SYNJ1: variants seen among roughly 807,000 people sequenced by gnomAD.
SYNJ1 encodes synaptojanin 1.
A neutral mutation model predicts 168.2 loss-of-function variants in SYNJ1; 78 were observed. That is an observed-to-expected ratio of 0.46 (90% CI 0.39 to 0.56). SYNJ1 has a LOEUF of 0.56. Among genes scored for constraint, SYNJ1 ranks in the 20% least tolerant of loss-of-function variants. The probability of loss-of-function intolerance (pLI) is 0.00; values close to 1 mark genes in which losing one functional copy is unlikely to be tolerated. For missense variants in SYNJ1, 1,303 were observed against 1,597.6 expected (o/e 0.82, Z 3.14); for synonymous variants, 539 against 548.6 (o/e 0.98, Z 0.24).
rs1289655519 is a variant in SYNJ1 at position 32,631,551 on chromosome 21, A to C, written c.*254T>G. On this transcript the variant is annotated 3_prime_UTR_variant, in exon 33 of 33. Coordinates refer to ENST00000674351, the MANE Select transcript of SYNJ1 (RefSeq NM_203446.3). ...AATAAATGGGTTTGGAGAACTTCGC[A>C]TATTTTCCTGGGATTGACTCCGAGC... is the stretch of plus-strand genomic sequence containing the variant. 6.2e-7 allele frequency: 1 copy of C among 1,614,170 alleles called. No individual in the cohort carries two copies. Among genetic ancestry groups the C allele is most frequent in the African/African-American group, 1.3e-5 (1 of 75,056 alleles).
intron 14 of SYNJ1, among the ~76,000 whole-genome samples, chr21:32,671,329 C>A (rs2041179897): frequency 6.6e-6 from 1 of 151,468 alleles, no homozygotes; most frequent in Non-Finnish European, 1.5e-5. Context: ...AAAAGAAGAG[C>A]CTATAAATAG....
chr21:32,646,156 A>G (rs1392081943), intron 24 of SYNJ1, among the ~76,000 whole-genome samples: 2 of 152,248 alleles, frequency 1.3e-5, no homozygotes, highest in Non-Finnish European at 2.9e-5. Flanking sequence ...ATCATCAGTT[A>G]TAAGACATAG....
rs758366163 is a variant in SYNJ1, at chr21:32,645,653, C to T, written c.3384G>A (p.Pro1128=). The change falls in exon 25 of 33, where the codon CCG becomes CCA. Residue 1128 remains proline (P), a synonymous_variant. Transcript: ENST00000674351. The part of the protein sequence containing the change: ...TRPAPPQRPP[P]PSGARSPAPT... ...GAAATAAAAGGTTGTCACCTGAAGGCGGAGGAGGTCTCTGTGGGGGAGCCG... is the reference window on the plus strand; with the variant it reads ...GAAATAAAAGGTTGTCACCTGAAGGTGGAGGAGGTCTCTGTGGGGGAGCCG... 1 of 1,527,072 alleles carries T rather than the reference C, an allele frequency of 6.5e-7. No individual in the cohort carries two copies. Among genetic ancestry groups the T allele is most frequent in the South Asian group, 1.3e-5 (1 of 77,738 alleles). 94.6% of individuals were successfully genotyped at this position (1,527,072 alleles called of 1,614,324 possible).
In SYNJ1 at chr21:32,629,486, T is replaced by C. The variant is rs2039240463; in HGVS notation, c.*2319A>G. On this transcript the variant is annotated 3_prime_UTR_variant, in exon 33 of 33. Coordinates refer to ENST00000674351, the MANE Select transcript of SYNJ1 (RefSeq NM_203446.3). ...ATTTAGAAAAATGCTTTTTTTCTAA[T>C]AGATTTGCTTTATAAGTGCAGTGCA... The C allele has an allele frequency of 6.5e-6, 1 of 152,686 alleles. No homozygotes were observed. The highest frequency in any genetic ancestry group is 1.5e-5 in the Non-Finnish European group (1 of 68,044). The allele number at this position is 152,686 out of a possible 1,614,324, so 9.5% of individuals were successfully genotyped here. A position where few individuals can be genotyped will look rare whatever the true frequency, so the allele number is the denominator to read the frequency against.
chr21:32,710,002 T>C (rs1189027520), intron 2 of SYNJ1, among the ~76,000 whole-genome samples: 1 of 151,716 alleles, frequency 6.6e-6, no homozygotes, highest in Non-Finnish European at 1.5e-5. Flanking sequence ...AGTTTGAGAC[T>C]AGCCTGGCCA....
intron 23 of SYNJ1, among the ~76,000 whole-genome samples, 173 bp downstream of exon 23, chr21:32,650,011 A>G (rs1395744789): frequency 6.6e-6 from 1 of 152,118 alleles, no homozygotes; most frequent in Non-Finnish European, 1.5e-5. Context: ...CAGCCTCCCA[A>G]AGTGCTGTGA....
At chr21:32,693,344 C>A (rs927788510) in intron 6 of SYNJ1, among the ~76,000 whole-genome samples, 1 of 152,144 alleles carries the variant, frequency 6.6e-6, no homozygotes, top group African/African-American at 2.4e-5. Context: ...CAAGTCAAAT[C>A]GTCTTGACAA....
intron 16 of SYNJ1, 112 bp downstream of exon 16, chr21:32,666,321 C>T: frequency 6.7e-7 from 1 of 1,498,806 alleles, no homozygotes. Flanking sequence ...CATTTTAAAA[C>T]AAGAACTATG....
At chr21:32,671,124 CAT>C (rs2041169923) in intron 14 of SYNJ1, among the ~76,000 whole-genome samples, 1 of 152,022 alleles carries the variant, frequency 6.6e-6, no homozygotes, top group Non-Finnish European at 1.5e-5. Context: ...GCCTGGGCAA[CAT>C]AGTGAGACCC....
Position 32,631,522 on chromosome 21 carries a change from C to CT in SYNJ1, c.*282_*283insA. On this transcript the variant is annotated 3_prime_UTR_variant, in exon 33 of 33. Transcript: ENST00000674351. ...CTGAAAGGATTTGTCCTGGTCAAGCCAGTAATAAATGGGTTTGGAGAACTT... is the reference window on the plus strand; with the variant it reads ...CTGAAAGGATTTGTCCTGGTCAAGCCTAGTAATAAATGGGTTTGGAGAACTT... 6.2e-7 allele frequency: 1 copy of CT among 1,614,030 alleles called. No individual in the cohort carries two copies. The highest frequency in any genetic ancestry group is 8.5e-7 in the Non-Finnish European group (1 of 1,179,980).
At position 32,685,755 on chromosome 21, in the gene SYNJ1, C is replaced by T. The variant is rs1204873486; in HGVS notation, c.1111G>A (p.Val371Ile). The T allele has an allele frequency of 1.2e-6, 2 of 1,603,640 alleles. No individual in the cohort carries two copies. The highest frequency in any genetic ancestry group is 1.7e-6 in the Non-Finnish European group (2 of 1,176,750). Residue 371 changes from valine to isoleucine, a missense_variant, in exon 9 of 33, where the codon GTT (valine) becomes ATT (isoleucine). Val to Ile is a conservative substitution (Grantham distance 29, BLOSUM62 3). Around this residue, in one of 2 missense-constraint regions of SYNJ1, gnomAD observed 920 missense variants for 1,208.8 expected, o/e 0.76. Transcript: ENST00000674351. ...GAAACAGAACAGTCAAACCTTTGAA[C>T]TTCACTTCCATTGAAATAAAAAAAT... is the stretch of plus-strand genomic sequence containing the variant. Reference protein sequence around the residue: ...YGFFYFNGSEVQRCQSGTVRT... With the variant: ...YGFFYFNGSEIQRCQSGTVRT...
intron 2 of SYNJ1, among the ~76,000 whole-genome samples, chr21:32,715,160 A>G (rs1189808372): frequency 1.3e-5 from 2 of 152,156 alleles, no homozygotes; most frequent in East Asian, 3.9e-4. Flanking sequence ...TAATTATAAG[A>G]TTCTGGAATT....
At chr21:32,635,758 T>C (rs953409888) in intron 31 of SYNJ1, among the ~76,000 whole-genome samples, 5 of 152,190 alleles carry the variant, frequency 3.3e-5, no homozygotes, top group Non-Finnish European at 5.9e-5. Flanking sequence ...TTCTGAAGGA[T>C]GATACTCTTA....
At chr21:32,652,480 C>T (rs906208309) in intron 22 of SYNJ1, among the ~76,000 whole-genome samples, 4 of 152,176 alleles carry the variant, frequency 2.6e-5, no homozygotes, top group Admixed American at 6.5e-5. Flanking sequence ...GGATTACAGG[C>T]GTGAGCCACC....
chr21:32,680,065 GC>G (rs2041562227), intron 11 of SYNJ1, among the ~76,000 whole-genome samples: 1 of 152,066 alleles, frequency 6.6e-6, no homozygotes, highest in Non-Finnish European at 1.5e-5. Context: ...TTGAGAATCA[GC>G]TTTTAATAGC....
rs935104543 is a variant in SYNJ1, at chr21:32,645,785, A to C, written c.3252T>G (p.Ser1084=). The C allele has an allele frequency of 4.7e-6, 7 of 1,477,702 alleles. No homozygotes were observed. The African/African-American group carries it at 7.1e-5, about 15-fold the overall frequency. 91.5% of individuals were successfully genotyped at this position (1,477,702 alleles called of 1,614,324 possible). The part of the protein sequence containing the change: ...RTPGPPSAQS[S]PIDAQPATPL... ...GCGTTGCTGGCTGCGCGTCAATAGGAGAACCTAAAAAGCGCACAGGAGGTA... is the reference window on the plus strand; with the variant it reads ...GCGTTGCTGGCTGCGCGTCAATAGGCGAACCTAAAAAGCGCACAGGAGGTA... Residue 1084 remains serine (S), a synonymous_variant, in exon 25 of 33, where the codon TCT becomes TCG. Transcript: ENST00000674351.
chr21:32,666,346 G>A, intron 16 of SYNJ1, 87 bp downstream of exon 16: 1 of 1,528,444 alleles, frequency 6.5e-7, no homozygotes, highest in Non-Finnish European at 8.8e-7. Flanking sequence ...GTTTTTGTTT[G>A]AAGAACTGAA....
intron 2 of SYNJ1, among the ~76,000 whole-genome samples, chr21:32,719,149 C>T (rs2146361335): frequency 6.6e-6 from 1 of 152,338 alleles, no homozygotes; most frequent in Non-Finnish European, 1.5e-5. Context: ...GAACTGTGTG[C>T]TCAGATGCCC....
chr21:32,685,445 A>T (rs1289457061), intron 9 of SYNJ1, among the ~76,000 whole-genome samples: 1 of 149,066 alleles, frequency 6.7e-6, no homozygotes, highest in Non-Finnish European at 1.5e-5. Context: ...AAAAAAAAAA[A>T]AAAATAAGCC....
Sources: allele counts gnomAD v4.1 joint callset (sites outside exome capture counted in the v4.1 genomes callset), GRCh38; gene constraint gnomAD v4.1.1; regional missense constraint gnomAD v4.1.1; transcripts MANE v1.5; gene names NCBI Gene and HGNC (gene_info 2026-07-23, HGNC 2026-07-21).